Variants in PSORS1C1 observed in about 807,000 individuals in gnomAD.
The protein encoded by PSORS1C1 is psoriasis susceptibility 1 candidate 1.
PSORS1C1 carries 7 observed loss-of-function variants against 9.4 expected under a neutral mutation model. The ratio of observed to expected loss-of-function variants is 0.75; its 90% CI spans 0.42 to 1.40. The LOEUF (loss-of-function observed/expected upper bound fraction) is 1.40, where lower values mean the gene tolerates loss of function less well. Ranked by LOEUF, PSORS1C1 falls within the 40% of genes most tolerant of loss-of-function variation. PSORS1C1 has a pLI of 0.01. For missense variants in PSORS1C1, 146 were observed against 178.1 expected, an observed-to-expected ratio of 0.82 and a Z score of 1.02; for synonymous variants, 63 against 69.4, an observed-to-expected ratio of 0.91 and a Z score of 0.46.
rs760397250 is a variant in PSORS1C1 at position 31,116,063 on chromosome 6, C to T, written c.-229+1172C>T. On this transcript the variant is annotated intron_variant, in intron 1 of 5. Transcript: ENST00000259881. ...AGTAACTCTCCTTGGGGTAGGAAAA[C>T]TTCAGGGTCAGCTAGCTGGGGCCCC... is the stretch of plus-strand genomic sequence containing the variant. The T allele has an allele frequency of 3.7e-6, 6 of 1,612,114 alleles. No individual in the cohort carries two copies. The Admixed American group carries it at 1.0e-4, about 27-fold the overall frequency.
rs565872648 is a variant in PSORS1C1 at position 31,137,813 on chromosome 6, G to A, written c.14-617G>A. 1.8e-5 allele frequency: 8 copies of A among 451,070 alleles called. No individual in the cohort carries two copies. In the East Asian group the frequency reaches 2.7e-4, roughly 15 times the overall value. 27.9% of individuals were successfully genotyped at this position (451,070 alleles called of 1,614,324 possible). A position where few individuals can be genotyped will look rare whatever the true frequency, so the allele number is the denominator to read the frequency against. On this transcript the variant is annotated intron_variant, in intron 3 of 5. Transcript: ENST00000259881. ...AAATATTGAGAACACCACCTTACGG[G>A]TTCAGAATAAAACCGAGGGAATGAG... is the stretch of plus-strand genomic sequence containing the variant.
At position 31,139,185 on chromosome 6, in the gene PSORS1C1, T is replaced by A; in HGVS notation, c.167+406T>A. 1.6e-6 allele frequency: 1 copy of A among 624,888 alleles called. No individual in the cohort carries two copies. Among genetic ancestry groups the A allele is most frequent in the Non-Finnish European group, 2.8e-6 (1 of 352,212 alleles). The allele number at this position is 624,888 out of a possible 1,614,324, so 38.7% of individuals were successfully genotyped here. On this transcript the variant is annotated intron_variant, in intron 5 of 5. Coordinates refer to ENST00000259881, the MANE Select transcript of PSORS1C1 (RefSeq NM_014068.3). The surrounding 1 kb of genome is among the most constrained non-coding windows in gnomAD (Gnocchi z 5.2). The stretch of plus-strand genomic sequence containing the variant: ...AACCCGTTGGGAAGGCCTGGGCTGA[T>A]GTGTCACCCCTGAAGGTGGCGTCCC...
intron 3 of PSORS1C1, chr6:31,138,198 G>C (rs749119446): frequency 4.4e-6 from 7 of 1,575,218 alleles, no homozygotes; most frequent in Non-Finnish European, 6.0e-6. Flanking sequence ...GGGTGCCCCT[G>C]GCCAAGGGTC....
intron 1 of PSORS1C1, among the ~76,000 whole-genome samples, chr6:31,121,173 T>TGGGGGGGG (rs28383830): frequency 7.7e-6 from 1 of 130,466 alleles, no homozygotes; most frequent in African/African-American, 2.7e-5. Flanking sequence ...GTGGCGGGGG[T>TGGGGGGGG]GGGGGGGTGC....
At chr6:31,137,636 A>G (rs1265099) in intron 3 of PSORS1C1, 139,981 of 337,878 alleles carry the variant, frequency 0.41, 29,587 homozygotes, top group East Asian at 0.52. Flanking sequence ...ACACAGTACC[A>G]TAGCCCTGCC....
rs141827754 is a variant in PSORS1C1, at chr6:31,139,020, G to A, written c.167+241G>A. The A allele has an allele frequency of 2.5e-3, 4,033 of 1,614,058 alleles. 23 individuals carry two copies. The highest frequency in any genetic ancestry group is 5.1e-3 in the Admixed American group (307 of 60,014). On this transcript the variant is annotated intron_variant, in intron 5 of 5. Transcript: ENST00000259881. This position sits in a 1 kb window ranked among gnomAD's most constrained non-coding sequence, Gnocchi z 5.2. ...AGGATCCCCAGGAGCTTCCAGTTGA[G>A]GATCATGGCTATGTACTGGCCCCCA...
rs117107378 is a variant in PSORS1C1, at chr6:31,126,957, A to G, written c.-65+1118A>G. 8.3e-4 allele frequency among the ~76,000 whole-genome samples: 127 copies of G among 152,320 alleles called. 2 individuals are homozygous for G. The East Asian group carries it at 0.013, about 16-fold the overall frequency. On this transcript the variant is annotated intron_variant, in intron 2 of 5. Coordinates refer to ENST00000259881, the MANE Select transcript of PSORS1C1 (RefSeq NM_014068.3). ...GGCTGTGATTAGCTGTCACAGTAGC[A>G]AGACTGTTCCCCTCTCTGTCCTGCG...
intron 1 of PSORS1C1, among the ~76,000 whole-genome samples, chr6:31,125,454 C>T (rs1289025670): frequency 6.6e-6 from 1 of 152,190 alleles, no homozygotes; most frequent in Admixed American, 6.5e-5. Context: ...GAGGGGTGGA[C>T]TGAGTCATCC....
At chr6:31,133,373 TA>T (rs1773005065) in intron 3 of PSORS1C1, among the ~76,000 whole-genome samples, 2 of 89,838 alleles carry the variant, frequency 2.2e-5, no homozygotes, top group Non-Finnish European at 4.2e-5. Context: ...ATTCCAGACA[TA>T]GGGAACAGCA....
chr6:31,120,496 G>T (rs1286126874), intron 1 of PSORS1C1: 5 of 1,262,900 alleles, frequency 4.0e-6, no homozygotes, highest in Non-Finnish European at 5.6e-6. Context: ...GACATTCCCT[G>T]GGCAGGAGTC....
rs4713436 is a variant in PSORS1C1 at position 31,116,862 on chromosome 6, C to T, written c.-229+1971C>T. The T allele has an allele frequency of 0.18, 286,859 of 1,613,678 alleles. 27,955 individuals carry two copies. The highest frequency in any genetic ancestry group is 0.33 in the South Asian group (29,765 of 91,062). The stretch of plus-strand genomic sequence containing the variant: ...GCTGGTCCACCACCACCACCACAGG[C>T]CTCTGACCCCCTGACACAGAGTGGG... On this transcript the variant is annotated intron_variant, in intron 1 of 5. Coordinates refer to ENST00000259881, the MANE Select transcript of PSORS1C1 (RefSeq NM_014068.3).
chr6:31,129,641 C>T lies in PSORS1C1; in HGVS notation c.9C>T (p.Cys3=). 2.6e-6 allele frequency: 2 copies of T among 779,926 alleles called. No homozygotes were observed. The allele number at this position is 779,926 out of a possible 1,614,324, so 48.3% of individuals were successfully genotyped here. The change falls in exon 3 of 6, where the codon TGC becomes TGT. Residue 3 remains cysteine, a synonymous_variant. Coordinates refer to ENST00000259881, the MANE Select transcript of PSORS1C1 (RefSeq NM_014068.3). ...ACTTTGGCACTTGTGATATGACTTGCACAGGTGAGTTACCTCTCTCAGTGT... is the reference window on the plus strand; with the variant it reads ...ACTTTGGCACTTGTGATATGACTTGTACAGGTGAGTTACCTCTCTCAGTGT... The part of the protein sequence containing the change: MT[C]TDQKSHSQRA...
intron 1 of PSORS1C1, among the ~76,000 whole-genome samples, chr6:31,122,945 C>G (rs943106502): frequency 3.3e-5 from 5 of 151,468 alleles, no homozygotes; most frequent in Non-Finnish European, 7.4e-5. Context: ...GGTGCTGGGC[C>G]GTCCCAGGGT....
At chr6:31,138,011 C>A (rs769697134) in intron 3 of PSORS1C1, 16 of 1,524,148 alleles carry the variant, frequency 1.0e-5, no homozygotes, top group Non-Finnish European at 1.4e-5. Context: ...GGTTGTCCAC[C>A]TCAGGGGCAG....
Position 31,115,940 on chromosome 6 carries a change from C to A in PSORS1C1, c.-229+1049C>A. The A allele has an allele frequency of 1.6e-6, 2 of 1,239,094 alleles. No individual in the cohort carries two copies. Among genetic ancestry groups the A allele is most frequent in the South Asian group, 2.5e-5 (2 of 81,632 alleles). 76.8% of individuals were successfully genotyped at this position (1,239,094 alleles called of 1,614,324 possible). A position where few individuals can be genotyped will look rare whatever the true frequency, so the allele number is the denominator to read the frequency against. On this transcript the variant is annotated intron_variant, in intron 1 of 5. Coordinates refer to ENST00000259881, the MANE Select transcript of PSORS1C1 (RefSeq NM_014068.3). This position sits in a 1 kb window ranked among gnomAD's most constrained non-coding sequence, Gnocchi z 4.2. ...GGAGGGAAACTGAGCTAACCCTATG[C>A]CTGGGCACTGGACTTCTCCCATATG...
chr6:31,138,880 T>C (rs975180949), intron 5 of PSORS1C1, 101 bp downstream of exon 5: 1 of 1,600,560 alleles, frequency 6.2e-7, no homozygotes, highest in Non-Finnish European at 8.6e-7. Flanking sequence ...CCTGAATTCC[T>C]GTCCCCAACC....
chr6:31,129,367 T>C (rs1017313614), intron 2 of PSORS1C1, among the ~76,000 whole-genome samples: 3 of 152,186 alleles, frequency 2.0e-5, no homozygotes, highest in African/African-American at 7.2e-5. Context: ...ACCAGCATTG[T>C]CTAATCTGAA....
chr6:31,126,283 G>T (rs951303444), intron 2 of PSORS1C1, among the ~76,000 whole-genome samples: 2 of 152,222 alleles, frequency 1.3e-5, no homozygotes, highest in African/African-American at 4.8e-5. Context: ...ACATGGCTGT[G>T]ATGAGGACGT....
chr6:31,133,109 G>A (rs1772990583), intron 3 of PSORS1C1, among the ~76,000 whole-genome samples: 1 of 152,134 alleles, frequency 6.6e-6, no homozygotes, highest in South Asian at 2.1e-4. Context: ...GCATAGGCGG[G>A]GCTGTTGGGA....
Sources: gnomAD v4.1 joint callset for allele counts (sites outside exome capture counted in the v4.1 genomes callset) on GRCh38, gnomAD v4.1.1 for gene constraint, Gnocchi (gnomAD v3.1) non-coding constraint, MANE v1.5 for transcripts, NCBI Gene and HGNC (gene_info 2026-07-23, HGNC 2026-07-21) for gene names.